The following CTNNA2 variants were observed in gnomAD, a reference collection of about 807,000 sequenced individuals.
The protein encoded by CTNNA2 is catenin alpha-2.
A neutral mutation model predicts 101.0 loss-of-function variants in CTNNA2; 42 were observed. The ratio of observed to expected loss-of-function variants is 0.42; its 90% confidence interval spans 0.32 to 0.54. CTNNA2 has a LOEUF of 0.54. CTNNA2 is among the 20% of genes least tolerant of loss of function. CTNNA2 has a pLI of 0.14. For missense variants in CTNNA2, 871 were observed against 1,223.1 expected (o/e 0.71, Z 4.29); for synonymous variants, 450 against 456.4 (o/e 0.99, Z 0.18).
intron 7 of CTNNA2, among the ~76,000 whole-genome samples, chr2:80,018,486 C>A (rs1694307911): frequency 6.6e-6 from 1 of 152,010 alleles, no homozygotes. Flanking sequence ...TATTATAAAT[C>A]AGGACCTTGG....
At chr2:79,895,201 C>G (rs912055599) in intron 6 of CTNNA2, among the ~76,000 whole-genome samples, 2 of 152,194 alleles carry the variant, frequency 1.3e-5, no homozygotes, top group East Asian at 3.9e-4. Flanking sequence ...AGCGTATTTT[C>G]AGGCCATGCA....
chr2:79,645,768 A>G (rs1252197824), intron 1 of CTNNA2, among the ~76,000 whole-genome samples: 1 of 152,208 alleles, frequency 6.6e-6, no homozygotes, highest in Non-Finnish European at 1.5e-5. Context: ...TCTTTTAATA[A>G]TATAATGTTA....
At chr2:79,820,463 T>C (rs1334804213) in intron 3 of CTNNA2, among the ~76,000 whole-genome samples, 4 of 152,216 alleles carry the variant, frequency 2.6e-5, no homozygotes, top group Admixed American at 6.5e-5. Flanking sequence ...GATTTCCAAG[T>C]TGGCTGAAAT....
intron 7 of CTNNA2, among the ~76,000 whole-genome samples, chr2:80,209,602 G>C (rs184067330): frequency 0.02 from 2,973 of 145,548 alleles, 111 homozygotes; most frequent in African/African-American, 0.072. Flanking sequence ...CATACACACA[G>C]ACACACACAC....
At chr2:79,429,860 T>C (rs1044908044) in intron 4 of CTNNA2, among the ~76,000 whole-genome samples, 5 of 152,136 alleles carry the variant, frequency 3.3e-5, no homozygotes, top group African/African-American at 7.2e-5. Context: ...GGTATTAAAA[T>C]TGACATCTTT....
chr2:79,677,488 G>T (rs1314429908), intron 2 of CTNNA2, among the ~76,000 whole-genome samples: 1 of 152,114 alleles, frequency 6.6e-6, no homozygotes, highest in Non-Finnish European at 1.5e-5. Flanking sequence ...GTAAAATGTG[G>T]AGTCGTAATA....
At chr2:79,786,763 A>C (rs1183575788) in intron 3 of CTNNA2, among the ~76,000 whole-genome samples, 1 of 152,070 alleles carries the variant, frequency 6.6e-6, no homozygotes, top group Non-Finnish European at 1.5e-5. Context: ...CCAACCTGCT[A>C]CTTTTTGCTT....
intron 7 of CTNNA2, chr2:80,030,524 G>T (rs1233784350): frequency 6.6e-6 from 1 of 152,170 alleles, no homozygotes; most frequent in African/African-American, 2.4e-5. Context: ...GGGCATTAGG[G>T]TTTTGTTTCG....
At chr2:79,915,044 C>G (rs1686094207) in intron 7 of CTNNA2, among the ~76,000 whole-genome samples, 2 of 151,760 alleles carry the variant, frequency 1.3e-5, no homozygotes, top group Non-Finnish European at 2.9e-5. Context: ...GTTTTATGGC[C>G]TATACACAGC....
At chr2:79,836,064 A>T (rs531942501) in intron 3 of CTNNA2, among the ~76,000 whole-genome samples, 1 of 152,062 alleles carries the variant, frequency 6.6e-6, no homozygotes, top group Non-Finnish European at 1.5e-5. Flanking sequence ...GCCTCCTGCC[A>T]CTTCTGTCTC....
intron 7 of CTNNA2, among the ~76,000 whole-genome samples, chr2:79,935,058 T>C (rs560539692): frequency 1.3e-5 from 2 of 152,288 alleles, no homozygotes; most frequent in African/African-American, 2.4e-5. Flanking sequence ...GAGTTAGCAT[T>C]ATCTCCTTGA....
intron 2 of CTNNA2, among the ~76,000 whole-genome samples, chr2:79,248,270 C>G (rs939757868): frequency 6.6e-6 from 1 of 151,700 alleles, no homozygotes; most frequent in Non-Finnish European, 1.5e-5. Context: ...GAAATGTGAG[C>G]CACACATGTT....
intron 7 of CTNNA2, among the ~76,000 whole-genome samples, chr2:80,086,151 C>A (rs2148812921): frequency 6.6e-6 from 1 of 151,898 alleles, no homozygotes; most frequent in South Asian, 2.1e-4. Context: ...TGAATTTGAC[C>A]CAAATGTTGC....
At chr2:80,451,305 A>C (rs925538894) in intron 9 of CTNNA2, among the ~76,000 whole-genome samples, 1 of 152,082 alleles carries the variant, frequency 6.6e-6, no homozygotes, top group Non-Finnish European at 1.5e-5. Flanking sequence ...AGTTTTCATG[A>C]GATCTGATGG....
chr2:79,551,454 G>C (rs1302471545), intron 1 of CTNNA2, among the ~76,000 whole-genome samples: 1 of 152,156 alleles, frequency 6.6e-6, no homozygotes, highest in Non-Finnish European at 1.5e-5. Context: ...TAAATGCAGA[G>C]TCAAGCAAGC....
chr2:79,462,454 C>G (rs72820648), intron 4 of CTNNA2, among the ~76,000 whole-genome samples: 28,221 of 152,082 alleles, frequency 0.19, 2,715 homozygotes, highest in Middle Eastern at 0.33. Context: ...TTTTGGAGAA[C>G]TAAGTTACAA....
intron 18 of CTNNA2, among the ~76,000 whole-genome samples, chr2:80,623,968 T>A (rs1185055576): frequency 1.4e-5 from 2 of 143,486 alleles, no homozygotes; most frequent in Non-Finnish European, 1.6e-5. Context: ...GCATGAGAAC[T>A]AAGAAAGATG....
chr2:79,463,594 T>C (rs887354296), intron 4 of CTNNA2, among the ~76,000 whole-genome samples: 2 of 152,118 alleles, frequency 1.3e-5, no homozygotes, highest in East Asian at 1.9e-4. Flanking sequence ...GCAGGACCAT[T>C]CACCTTTCTT....
chr2:79,900,952 A>G (rs911533480), intron 6 of CTNNA2, among the ~76,000 whole-genome samples: 2 of 152,044 alleles, frequency 1.3e-5, no homozygotes, highest in African/African-American at 2.4e-5. Flanking sequence ...CTTAAAGACT[A>G]AAAATTTAAA....
Sources: gnomAD v4.1 joint callset for allele counts (sites outside exome capture counted in the v4.1 genomes callset) on GRCh38, gnomAD v4.1.1 for gene constraint, MANE v1.5 for transcripts, NCBI Gene and HGNC (gene_info 2026-07-23, HGNC 2026-07-21) for gene names.